The following BEND7 variants were observed in gnomAD, a reference collection of about 807,000 sequenced individuals.
BEND7 encodes BEN domain-containing protein 7.
BEND7 carries 28 observed loss-of-function variants against 50.9 expected under a neutral mutation model. The observed-to-expected ratio is 0.55, with a 90% CI of 0.41 to 0.75. The LOEUF (loss-of-function observed/expected upper bound fraction) is 0.75. Ranked by LOEUF, BEND7 falls within the 30% of genes least tolerant of loss-of-function variation. BEND7 has a pLI of 0.00. For synonymous variants in BEND7, 170 were observed against 183.9 expected (o/e 0.92, Z 0.61); for missense variants, 477 against 491.3 (o/e 0.97, Z 0.28).
chr10:13,528,624 G>T lies in BEND7; in HGVS notation c.-91C>A. On this transcript the variant is annotated 5_prime_UTR_variant, in exon 1 of 9. Coordinates refer to ENST00000466271, the MANE Select transcript of BEND7 (RefSeq NM_001369863.1). ...AGCGGCAGCGGCGGCGCGGGCTCGTGTCACCGCGGCGGAGCCGCCGGGACC... is the reference window on the plus strand; with the variant it reads ...AGCGGCAGCGGCGGCGCGGGCTCGTTTCACCGCGGCGGAGCCGCCGGGACC... 1.4e-6 allele frequency: 1 copy of T among 697,504 alleles called. No individual in the cohort carries two copies. The highest frequency in any genetic ancestry group is 1.8e-6 in the Non-Finnish European group (1 of 570,770). 43.2% of individuals were successfully genotyped at this position (697,504 alleles called of 1,614,324 possible).
intron 2 of BEND7, among the ~76,000 whole-genome samples, chr10:13,504,444 T>C (rs2132315535): frequency 6.6e-6 from 1 of 152,272 alleles, no homozygotes; most frequent in East Asian, 1.9e-4. Context: ...TTTGTGGCTC[T>C]AGAAGTCCTT....
At chr10:13,464,308 G>C (rs1360373799) in intron 6 of BEND7, among the ~76,000 whole-genome samples, 2 of 152,182 alleles carry the variant, frequency 1.3e-5, no homozygotes, top group African/African-American at 4.8e-5. Flanking sequence ...GTCATGCAGT[G>C]GTTAGCAGAT....
intron 3 of BEND7, 40 bp from the exon 4 acceptor site, chr10:13,496,928 CAAAAAA>C: frequency 9.7e-6 from 11 of 1,132,110 alleles, no homozygotes; most frequent in Non-Finnish European, 9.9e-6. Context: ...CCAAACAAAC[CAAAAAA>C]AAAAAAAAAA....
At chr10:13,456,306 C>T (rs1340228305) in intron 6 of BEND7, among the ~76,000 whole-genome samples, 1 of 152,112 alleles carries the variant, frequency 6.6e-6, no homozygotes, top group Non-Finnish European at 1.5e-5. Flanking sequence ...GGAGCAACCG[C>T]GTGTGAGGAT....
At chr10:13,462,389 G>C (rs1437987168) in intron 6 of BEND7, among the ~76,000 whole-genome samples, 1 of 152,206 alleles carries the variant, frequency 6.6e-6, no homozygotes, top group African/African-American at 2.4e-5. Context: ...ATCAGATCTT[G>C]TGAGACTTAT....
chr10:13,473,528 T>C (rs1010131412), intron 6 of BEND7, among the ~76,000 whole-genome samples: 1 of 145,212 alleles, frequency 6.9e-6, no homozygotes, highest in African/African-American at 2.6e-5. Context: ...TCATCATTGC[T>C]GTTACACTCA....
intron 4 of BEND7, among the ~76,000 whole-genome samples, chr10:13,494,576 G>C (rs1266396855): frequency 6.6e-6 from 1 of 152,198 alleles, no homozygotes; most frequent in Non-Finnish European, 1.5e-5. Flanking sequence ...ACTTCTCTTT[G>C]GTCTCTCTGC....
intron 6 of BEND7, among the ~76,000 whole-genome samples, chr10:13,456,963 G>C (rs948684862): frequency 1.3e-5 from 2 of 152,072 alleles, no homozygotes; most frequent in Non-Finnish European, 1.5e-5. Context: ...ATTTCCAAAA[G>C]GTTCTTGAAG....
chr10:13,446,514 T>C (rs754374057), intron 8 of BEND7: 2 of 152,220 alleles, frequency 1.3e-5, no homozygotes, highest in African/African-American at 2.4e-5. Flanking sequence ...AATCTTCAGA[T>C]ATCCTTTGGA....
intron 2 of BEND7, 114 bp downstream of exon 2, chr10:13,526,024 G>T: frequency 2.3e-6 from 1 of 426,266 alleles, no homozygotes; most frequent in Non-Finnish European, 4.1e-6. Flanking sequence ...TGAAAAGAAT[G>T]TCATACATTA....
At chr10:13,509,296 T>C (rs941614738) in intron 2 of BEND7, among the ~76,000 whole-genome samples, 1 of 152,242 alleles carries the variant, frequency 6.6e-6, no homozygotes, top group Admixed American at 6.5e-5. Context: ...TGTTTTTGCA[T>C]TTAATTTTAA....
At chr10:13,486,054 T>A (rs1167194420) in intron 5 of BEND7, among the ~76,000 whole-genome samples, 1 of 152,036 alleles carries the variant, frequency 6.6e-6, no homozygotes, top group Non-Finnish European at 1.5e-5. Flanking sequence ...AAATAAAAAT[T>A]TTTTCGTAGA....
Position 13,499,825 on chromosome 10 carries a change from C to G in BEND7, c.401G>C (p.Arg134Pro). 6.2e-7 allele frequency: 1 copy of G among 1,613,890 alleles called. No homozygotes were observed. The highest frequency in any genetic ancestry group is 8.5e-7 in the Non-Finnish European group (1 of 1,179,822). The stretch of plus-strand genomic sequence containing the variant: ...GGGCTGGCTTTGGAAGGTTCTAGAA[C>G]GGGTGCCATACTGCCCTGAGAACTG... ...SGQFSGQYGTRSRTFQSQPHP... is the reference protein window; with the variant it reads ...SGQFSGQYGTPSRTFQSQPHP... The change falls in exon 3 of 9, where the codon CGT (arginine) becomes CCT (proline). Residue 134 changes from arginine to proline, a missense_variant. Arg to Pro is a moderately radical substitution (Grantham distance 103, BLOSUM62 -2). Transcript: ENST00000466271.
chr10:13,487,142 C>T (rs2076276358), intron 5 of BEND7, among the ~76,000 whole-genome samples: 1 of 152,196 alleles, frequency 6.6e-6, no homozygotes, highest in South Asian at 2.1e-4. Context: ...TTGCTATTTA[C>T]TATATTCCAT....
intron 8 of BEND7, chr10:13,443,613 A>AT (rs750877395): frequency 4.6e-5 from 7 of 152,258 alleles, no homozygotes; most frequent in South Asian, 2.1e-4. Flanking sequence ...ATTTGTAATG[A>AT]TTTTTTATGA....
downstream of BEND7, chr10:13,441,083 G>A (rs1159866815): frequency 5.1e-6 from 5 of 984,654 alleles, no homozygotes; most frequent in Non-Finnish European, 6.0e-6. Context: ...AGATCCGCAC[G>A]CACGTTCAAT....
Position 13,505,679 on chromosome 10 carries a change from G to A in BEND7, c.146-5599C>T, listed in dbSNP as rs554985740. 7.2e-4 allele frequency among the ~76,000 whole-genome samples: 110 copies of A among 152,254 alleles called. 1 individual carries two copies. Among genetic ancestry groups the A allele is most frequent in the African/African-American group, 2.0e-3 (85 of 41,540 alleles). On this transcript the variant is annotated intron_variant, in intron 2 of 8. Transcript: ENST00000466271. ...GTGGATCTCTTGCTGGCACTTGTCC[G>A]GGCCTCTGGTGGCTGCTGAGGACAA...
At chr10:13,479,008 T>G (rs2075664770) in intron 6 of BEND7, among the ~76,000 whole-genome samples, 1 of 29,552 alleles carries the variant, frequency 3.4e-5, no homozygotes, top group Non-Finnish European at 7.7e-5. Context: ...GTAATATACT[T>G]TTTTTTTTTT....
At chr10:13,525,520 A>G (rs1386702435) in intron 2 of BEND7, among the ~76,000 whole-genome samples, 1 of 152,236 alleles carries the variant, frequency 6.6e-6, no homozygotes, top group East Asian at 1.9e-4. Flanking sequence ...GTGTGAAAGG[A>G]GCACAAAGTC....
Sources: gnomAD v4.1 joint callset for allele counts (sites outside exome capture counted in the v4.1 genomes callset) on GRCh38, gnomAD v4.1.1 for gene constraint, MANE v1.5 for transcripts, NCBI Gene and HGNC (gene_info 2026-07-23, HGNC 2026-07-21) for gene names.